The following FHIT variants were observed in gnomAD, a reference collection of about 807,000 sequenced individuals.
FHIT encodes the protein fragile histidine triad diadenosine triphosphatase.
A neutral mutation model predicts 17.9 loss-of-function variants in FHIT; 19 were observed. The observed-to-expected ratio is 1.06, with a 90% CI of 0.74 to 1.56. The LOEUF (loss-of-function observed/expected upper bound fraction) is 1.56, where lower values mean the gene tolerates loss of function less well. Among genes scored for constraint, FHIT ranks in the 40% most tolerant of loss-of-function variants. FHIT has a pLI of 0.00. For missense variants in FHIT, 248 were observed against 189.2 expected (o/e 1.31, Z -1.82); for synonymous variants, 81 against 69.7 (o/e 1.16, Z -0.81).
chr3:60,274,665 T>G (rs559387365), intron 5 of FHIT, among the ~76,000 whole-genome samples: 1 of 152,120 alleles, frequency 6.6e-6, no homozygotes, highest in East Asian at 1.9e-4. Context: ...TTCAAAAATT[T>G]GAGAAAAAAC....
chr3:60,459,524 C>G (rs1210315689), intron 5 of FHIT, among the ~76,000 whole-genome samples: 1 of 152,162 alleles, frequency 6.6e-6, no homozygotes, highest in African/African-American at 2.4e-5. Context: ...ACCACAGATA[C>G]ATAGGTACAA....
chr3:61,221,477 CA>C (rs2039836426), intron 1 of FHIT, among the ~76,000 whole-genome samples: 8 of 152,334 alleles, frequency 5.3e-5, no homozygotes, highest in East Asian at 1.9e-4. Flanking sequence ...ACCTTTCCAT[CA>C]TTACATAGAC....
At chr3:60,514,846 C>T (rs2035089745) in intron 5 of FHIT, among the ~76,000 whole-genome samples, 1 of 151,396 alleles carries the variant, frequency 6.6e-6, no homozygotes, top group Non-Finnish European at 1.5e-5. Context: ...CATGAAAATG[C>T]TAAGGGTATC....
chr3:60,732,296 C>T, intron 4 of FHIT: 1 of 947,008 alleles, frequency 1.1e-6, no homozygotes, highest in South Asian at 1.3e-5. Context: ...TGGCAGGGCA[C>T]ATGAAAAACT....
At chr3:60,720,253 T>C (rs1577114006) in intron 4 of FHIT, among the ~76,000 whole-genome samples, 1 of 152,138 alleles carries the variant, frequency 6.6e-6, no homozygotes, top group Admixed American at 6.5e-5. Context: ...TTTACCTGGT[T>C]AACTCCTTCT....
In FHIT at chr3:60,023,370, G is replaced by A. The variant is rs375503136; in HGVS notation, c.104-9218C>T. Among the ~76,000 whole-genome samples, 124 of 152,332 alleles carry A rather than the reference G, an allele frequency of 8.1e-4. 1 individual carries two copies. Among genetic ancestry groups the A allele is most frequent in the African/African-American group, 2.8e-3 (116 of 41,564 alleles). ...ACACAGTTTCATTTCACCAGTATGT[G>A]AATGAGGGGAGTGCCCTGAGCACAT... On this transcript the variant is annotated intron_variant, in intron 5 of 9. Transcript: ENST00000492590.
chr3:60,738,939 C>T (rs1172562779), intron 4 of FHIT, among the ~76,000 whole-genome samples: 1 of 152,102 alleles, frequency 6.6e-6, no homozygotes, highest in Non-Finnish European at 1.5e-5. Context: ...AATCCCGGAC[C>T]CCAGGCTCCA....
intron 4 of FHIT, among the ~76,000 whole-genome samples, chr3:60,716,670 A>G (rs923919177): frequency 2.6e-5 from 4 of 152,368 alleles, no homozygotes; most frequent in South Asian, 4.1e-4. Context: ...AGCACAGTAG[A>G]TAGTTCATAA....
rs368712237 is a variant in FHIT, at chr3:59,900,125, A to G, written c.348+22221T>C. On this transcript the variant is annotated intron_variant, in intron 8 of 9. Coordinates refer to ENST00000492590, the MANE Select transcript of FHIT (RefSeq NM_002012.4). ...CCGGCACAATCACCAGGGGCAAAGC[A>G]TGAAGCAGCCTGTTGGATTCCCCAC... is the stretch of plus-strand genomic sequence containing the variant. Among the ~76,000 whole-genome samples the G allele has an allele frequency of 2.0e-5, 3 of 152,302 alleles. No homozygotes were observed. In the East Asian group the frequency reaches 5.8e-4, roughly 29 times the overall value.
At chr3:60,516,363 G>A (rs1329712595) in intron 5 of FHIT, among the ~76,000 whole-genome samples, 1 of 152,114 alleles carries the variant, frequency 6.6e-6, no homozygotes, top group Admixed American at 6.6e-5. Flanking sequence ...CCTTATTTCT[G>A]CTTCTGTATG....
intron 5 of FHIT, among the ~76,000 whole-genome samples, chr3:60,174,127 G>T (rs1209328993): frequency 6.6e-6 from 1 of 150,806 alleles, no homozygotes; most frequent in Non-Finnish European, 1.5e-5. Flanking sequence ...GGCCAGGATG[G>T]TCTCCATCTC....
chr3:60,342,800 A>G lies in FHIT; in HGVS notation c.103+194060T>C, dbSNP rs142952543. On this transcript the variant is annotated intron_variant, in intron 5 of 9. Transcript: ENST00000492590. Reference sequence around the variant, plus strand: ...AAGAGTGATTACAAATGCAGAAGGTAAAAGTATTGGAGCAAAAATTGGAAA... The same window carrying G: ...AAGAGTGATTACAAATGCAGAAGGTGAAAGTATTGGAGCAAAAATTGGAAA... Among the ~76,000 whole-genome samples the G allele has an allele frequency of 6.6e-5, 10 of 152,320 alleles. No homozygotes were observed. In the East Asian group the frequency reaches 1.9e-3, roughly 29 times the overall value.
intron 8 of FHIT, among the ~76,000 whole-genome samples, chr3:59,884,995 G>A (rs1703558918): frequency 6.6e-6 from 1 of 152,130 alleles, no homozygotes; most frequent in Non-Finnish European, 1.5e-5. Context: ...ACATTTCAGA[G>A]AGCAGTAAGA....
At chr3:60,540,567 G>T (rs1020253836) in intron 4 of FHIT, among the ~76,000 whole-genome samples, 3 of 152,154 alleles carry the variant, frequency 2.0e-5, no homozygotes, top group Non-Finnish European at 2.9e-5. Context: ...TTGTGTGTTG[G>T]GGGGAAAGAA....
At chr3:60,941,079 A>G (rs1708390010) in intron 3 of FHIT, among the ~76,000 whole-genome samples, 1 of 152,238 alleles carries the variant, frequency 6.6e-6, no homozygotes. Flanking sequence ...TGTAATCAGT[A>G]TACAAATATA....
chr3:60,173,503 C>G (rs1394690750), intron 5 of FHIT, among the ~76,000 whole-genome samples: 1 of 152,074 alleles, frequency 6.6e-6, no homozygotes, highest in South Asian at 2.1e-4. Flanking sequence ...GTATGAACAG[C>G]CACCATCCTT....
At chr3:60,523,818 C>G (rs2035468438) in intron 5 of FHIT, among the ~76,000 whole-genome samples, 1 of 152,156 alleles carries the variant, frequency 6.6e-6, no homozygotes, top group Non-Finnish European at 1.5e-5. Flanking sequence ...CATGCTCAAA[C>G]CACCTGTTAC....
intron 2 of FHIT, among the ~76,000 whole-genome samples, chr3:61,154,669 T>C (rs1013640122): frequency 2.0e-5 from 3 of 152,188 alleles, no homozygotes; most frequent in African/African-American, 7.2e-5. Context: ...CCATCTGATA[T>C]TGCAGCTCTG....
At chr3:60,497,035 C>G (rs1375906620) in intron 5 of FHIT, among the ~76,000 whole-genome samples, 2 of 152,108 alleles carry the variant, frequency 1.3e-5, no homozygotes, top group African/African-American at 4.8e-5. Flanking sequence ...GTAAACGCCT[C>G]TAAAGCAGTT....
Sources: gnomAD v4.1 joint callset for allele counts (sites outside exome capture counted in the v4.1 genomes callset) on GRCh38, gnomAD v4.1.1 for gene constraint, MANE v1.5 for transcripts, NCBI Gene and HGNC (gene_info 2026-07-23, HGNC 2026-07-21) for gene names.